DLEU7: variants seen among roughly 807,000 people sequenced by gnomAD.
DLEU7 encodes deleted in lymphocytic leukemia 7, also known as leukemia-associated protein 7.
In DLEU7, 17 loss-of-function variants were observed where a neutral mutation model predicts 16.0. That is an observed-to-expected ratio of 1.06 (90% CI 0.73 to 1.59). The LOEUF (loss-of-function observed/expected upper bound fraction) is 1.59. DLEU7 is among the 40% of genes most tolerant of loss of function. The pLI is 0.00. For synonymous variants in DLEU7, 113 were observed against 139.8 expected (o/e 0.81, Z 1.35); for missense variants, 308 against 314.9 (o/e 0.98, Z 0.17).
chr13:50,787,530 G>C (rs550824859), intron 1 of DLEU7, among the ~76,000 whole-genome samples: 6 of 152,156 alleles, frequency 3.9e-5, no homozygotes, highest in Middle Eastern at 6.8e-3. Flanking sequence ...CCCTGCAGAA[G>C]TCACCTGAAC....
chr13:50,716,324 A>G (rs144344556), intron 1 of DLEU7, among the ~76,000 whole-genome samples: 1,844 of 152,366 alleles, frequency 0.012, 10 homozygotes, highest in Non-Finnish European at 0.02. Flanking sequence ...ATGTTTGGTT[A>G]CAGCTTAATG....
intron 1 of DLEU7, among the ~76,000 whole-genome samples, chr13:50,787,893 C>G (rs1875833392): frequency 6.6e-6 from 1 of 152,174 alleles, no homozygotes; most frequent in Admixed American, 6.5e-5. Flanking sequence ...GTCCACGTCT[C>G]CTCTTCACAA....
chr13:50,722,250 A>G (rs2137707919), intron 1 of DLEU7, among the ~76,000 whole-genome samples: 1 of 152,350 alleles, frequency 6.6e-6, no homozygotes, highest in Non-Finnish European at 1.5e-5. Flanking sequence ...TTTTAAGCCC[A>G]GAGGTAGGCC....
chr13:50,785,908 C>T (rs1173954429), intron 1 of DLEU7, among the ~76,000 whole-genome samples: 1 of 152,100 alleles, frequency 6.6e-6, no homozygotes, highest in Non-Finnish European at 1.5e-5. Context: ...GGCAGCAACG[C>T]CTTTAAAATG....
chr13:50,837,581 T>C (rs1486270053), intron 1 of DLEU7, among the ~76,000 whole-genome samples: 1 of 152,206 alleles, frequency 6.6e-6, no homozygotes, highest in Admixed American at 6.5e-5. Flanking sequence ...TTGTCACAGA[T>C]AATGAGCACC....
chr13:50,727,989 TGA>T (rs1384579463), intron 1 of DLEU7, among the ~76,000 whole-genome samples: 1 of 152,214 alleles, frequency 6.6e-6, no homozygotes, highest in Non-Finnish European at 1.5e-5. Flanking sequence ...GGGTGGTGCC[TGA>T]GAGTTTGCAT....
chr13:50,714,587 A>G (rs1340425574), intron 1 of DLEU7, among the ~76,000 whole-genome samples: 1 of 152,204 alleles, frequency 6.6e-6, no homozygotes, highest in Non-Finnish European at 1.5e-5. Flanking sequence ...AAAATGGTCC[A>G]ATAACCCTGA....
intron 1 of DLEU7, among the ~76,000 whole-genome samples, chr13:50,771,289 T>C (rs1875300535): frequency 6.6e-6 from 1 of 152,188 alleles, no homozygotes; most frequent in Admixed American, 6.5e-5. Context: ...ATCTTAGTTA[T>C]TTATTGTCTT....
At chr13:50,838,927 C>A (rs540039670) in intron 1 of DLEU7, among the ~76,000 whole-genome samples, 27 of 152,304 alleles carry the variant, frequency 1.8e-4, no homozygotes, top group African/African-American at 6.5e-4. Context: ...AGGAAGGAAG[C>A]TCTTACTAGA....
At chr13:50,773,412 A>C (rs570924611) in intron 1 of DLEU7, among the ~76,000 whole-genome samples, 1 of 152,170 alleles carries the variant, frequency 6.6e-6, no homozygotes, top group African/African-American at 2.4e-5. Flanking sequence ...GGTTTTATCT[A>C]CCTTTGGTCT....
chr13:50,711,374 T>C (rs1873280293), downstream of DLEU7: 2 of 152,222 alleles, frequency 1.3e-5, no homozygotes, highest in South Asian at 4.1e-4. Context: ...TCTAACACTT[T>C]CAGTAGATCT....
At chr13:50,804,615 T>A (rs938871366) in intron 1 of DLEU7, among the ~76,000 whole-genome samples, 10 of 152,056 alleles carry the variant, frequency 6.6e-5, no homozygotes, top group East Asian at 3.9e-4. Context: ...AGCTATTTTT[T>A]AAAAATTTTT....
At chr13:50,739,718 G>T (rs1474593038) in intron 1 of DLEU7, among the ~76,000 whole-genome samples, 1 of 152,136 alleles carries the variant, frequency 6.6e-6, no homozygotes, top group Admixed American at 6.5e-5. Flanking sequence ...AGTTTCTAGG[G>T]AATGTTCTTT....
intron 1 of DLEU7, among the ~76,000 whole-genome samples, chr13:50,739,005 G>GCACA (rs368778519): frequency 1.1e-4 from 13 of 114,188 alleles, no homozygotes; most frequent in Admixed American, 1.7e-4. Context: ...ACACACACAC[G>GCACA]CACACACACA....
At chr13:50,740,236 C>A (rs1326544174) in intron 1 of DLEU7, among the ~76,000 whole-genome samples, 3 of 152,104 alleles carry the variant, frequency 2.0e-5, no homozygotes, top group Non-Finnish European at 4.4e-5. Context: ...AAACGGTATG[C>A]ACAACAACCT....
rs1260150160 is a variant in DLEU7, at chr13:50,768,658, C to T, written c.460-55418G>A. ...CATAGTAGTCCATAGTATATATGTG[C>T]TACATTTTCTTAATCCAGTCTATCA... On this transcript the variant is annotated intron_variant, in intron 1 of 1. Coordinates refer to the DLEU7 transcript ENST00000400393. Among the ~76,000 whole-genome samples, 4 of 152,176 alleles carry T rather than the reference C, an allele frequency of 2.6e-5. No homozygotes were observed. In the South Asian group the frequency reaches 6.2e-4, roughly 24 times the overall value.
At chr13:50,835,721 G>GA (rs1877436004) in intron 1 of DLEU7, among the ~76,000 whole-genome samples, 1 of 152,160 alleles carries the variant, frequency 6.6e-6, no homozygotes, top group Non-Finnish European at 1.5e-5. Flanking sequence ...ATGTCTCTCG[G>GA]AAAAACCGCC....
chr13:50,758,024 GA>G (rs1874813994), intron 1 of DLEU7, among the ~76,000 whole-genome samples: 1 of 124,518 alleles, frequency 8.0e-6, no homozygotes, highest in African/African-American at 3.3e-5. Context: ...TCATTACCAA[GA>G]TTTTTTTTTT....
chr13:50,823,916 A>G (rs1291083379), intron 1 of DLEU7, among the ~76,000 whole-genome samples: 1 of 152,246 alleles, frequency 6.6e-6, no homozygotes, highest in Non-Finnish European at 1.5e-5. Context: ...CCAAGAGATT[A>G]AAAGAGCCAG....
Sources: allele counts gnomAD v4.1 joint callset (sites outside exome capture counted in the v4.1 genomes callset), GRCh38; gene constraint gnomAD v4.1.1; transcripts MANE v1.5; gene names NCBI Gene and HGNC (gene_info 2026-07-23, HGNC 2026-07-21).